Variants in GLDC observed in about 807,000 individuals in gnomAD.
The protein encoded by GLDC is glycine decarboxylase.
In GLDC, 104 loss-of-function variants were observed where a neutral mutation model predicts 121.3. The observed-to-expected ratio is 0.86, with a 90% CI of 0.73 to 1.01. The LOEUF (loss-of-function observed/expected upper bound fraction) is 1.01, where lower values mean the gene tolerates loss of function less well. Among genes scored for constraint, GLDC ranks in the 50% least tolerant of loss-of-function variants. The pLI, the probability that GLDC is intolerant of heterozygous loss-of-function variation, is 0.00. For missense variants in GLDC, 1,429 were observed against 1,306.6 expected (o/e 1.09, Z -1.44); for synonymous variants, 546 against 480.6 (o/e 1.14, Z -1.78).
intron 1 of GLDC, 139 bp downstream of exon 1, chr9:6,645,106 T>C: frequency 1.2e-6 from 1 of 837,084 alleles, no homozygotes; most frequent in Non-Finnish European, 1.8e-6. Flanking sequence ...CGAATTTGCT[T>C]CCACGCCACG....
intron 15 of GLDC, chr9:6,568,997 G>C (rs1439642021): frequency 6.6e-6 from 1 of 152,168 alleles, no homozygotes. Flanking sequence ...GAATCCACAA[G>C]AAATTCAATA....
intron 15 of GLDC, among the ~76,000 whole-genome samples, chr9:6,586,370 C>G (rs1818272915): frequency 6.6e-6 from 1 of 152,172 alleles, no homozygotes; most frequent in Non-Finnish European, 1.5e-5. Context: ...ATCAGTGCGT[C>G]TGGAGCGGGG....
Position 6,532,785 on chromosome 9 carries a change from C to T in GLDC, c.*232G>A. The T allele has an allele frequency of 3.8e-6, 2 of 532,016 alleles. No homozygotes were observed. Among genetic ancestry groups the T allele is most frequent in the South Asian group, 2.1e-5 (1 of 46,804 alleles). 33.0% of individuals were successfully genotyped at this position (532,016 alleles called of 1,614,324 possible). A position where few individuals can be genotyped will look rare whatever the true frequency, so the allele number is the denominator to read the frequency against. ...CGCAAAACACAAAATGGCTCCCAATCCAGGCAACTGGCACATGTGGAAGCA... is the reference window on the plus strand; with the variant it reads ...CGCAAAACACAAAATGGCTCCCAATTCAGGCAACTGGCACATGTGGAAGCA... On this transcript the variant is annotated 3_prime_UTR_variant, in exon 25 of 25. Transcript: ENST00000321612.
At chr9:6,640,097 A>T (rs1017964880) in intron 2 of GLDC, among the ~76,000 whole-genome samples, 2 of 152,156 alleles carry the variant, frequency 1.3e-5, no homozygotes, top group African/African-American at 4.8e-5. Flanking sequence ...ACACACCTAA[A>T]GGCTTCCCTT....
At chr9:6,611,479 C>T (rs993942358) in intron 3 of GLDC, among the ~76,000 whole-genome samples, 1 of 152,080 alleles carries the variant, frequency 6.6e-6, no homozygotes, top group Non-Finnish European at 1.5e-5. Context: ...TCGCTTGAAC[C>T]CGCGGGGCGG....
At chr9:6,554,448 G>A (rs1304593248) in intron 19 of GLDC, among the ~76,000 whole-genome samples, 1 of 152,202 alleles carries the variant, frequency 6.6e-6, no homozygotes, top group Non-Finnish European at 1.5e-5. Flanking sequence ...TGGAAGCTCA[G>A]TGAGGCCAGA....
intron 15 of GLDC, among the ~76,000 whole-genome samples, chr9:6,585,751 T>C (rs1275671339): frequency 1.3e-5 from 2 of 152,172 alleles, no homozygotes; most frequent in Admixed American, 6.5e-5. Flanking sequence ...TAGGGGCAGA[T>C]ACCATAACTC....
Position 6,620,166 on chromosome 9 carries a change from A to C in GLDC, c.470+18T>G, listed in dbSNP as rs1253031880. The C allele has an allele frequency of 6.2e-7, 1 of 1,611,252 alleles. No homozygotes were observed. The highest frequency in any genetic ancestry group is 1.1e-5 in the South Asian group (1 of 90,972). On this transcript the variant is annotated intron_variant, in intron 3 of 24. Transcript: ENST00000321612. Reference sequence around the variant, plus strand: ...GCAAATCACAGTCATCCTGTTCCTGAACTGAGAAATACATTACCATCCTGA... The same window carrying C: ...GCAAATCACAGTCATCCTGTTCCTGCACTGAGAAATACATTACCATCCTGA...
intron 15 of GLDC, among the ~76,000 whole-genome samples, chr9:6,579,466 C>T (rs1818133690): frequency 1.3e-5 from 2 of 152,112 alleles, no homozygotes; most frequent in Admixed American, 1.3e-4. Flanking sequence ...CCTCCAAGTA[C>T]CTTTCCAAGT....
At chr9:6,562,824 G>A (rs1817784558) in intron 16 of GLDC, among the ~76,000 whole-genome samples, 1 of 152,170 alleles carries the variant, frequency 6.6e-6, no homozygotes, top group Non-Finnish European at 1.5e-5. Flanking sequence ...GCCTCCCAAT[G>A]TGCTGGGATT....
chr9:6,584,927 A>G (rs1316753266), intron 15 of GLDC: 3 of 152,234 alleles, frequency 2.0e-5, no homozygotes, highest in Non-Finnish European at 4.4e-5. Flanking sequence ...AAATTAGGAC[A>G]AAGAAAGAAC....
rs1353016990 is a variant in GLDC at position 6,536,056 on chromosome 9, C to T, written c.2838+8G>A. 6.2e-7 allele frequency: 1 copy of T among 1,610,874 alleles called. No homozygotes were observed. On this transcript the variant is annotated splice_region_variant and intron_variant, in intron 23 of 24. Transcript: ENST00000321612. ...AACATTTCAAGCAATGTTCCAGGGC[C>T]TACGCACCTTCAGCGGATTGACCCT...
chr9:6,536,980 G>A (rs903286309), intron 22 of GLDC, among the ~76,000 whole-genome samples: 7 of 151,416 alleles, frequency 4.6e-5, no homozygotes, highest in Admixed American at 4.6e-4. Flanking sequence ...AGATTTCCAG[G>A]ACAAAAATCA....
At chr9:6,548,651 T>C (rs16924678) in intron 21 of GLDC, among the ~76,000 whole-genome samples, 23,140 of 152,128 alleles carry the variant, frequency 0.15, 2,077 homozygotes, top group East Asian at 0.28. Context: ...CAAGATCCCA[T>C]AAGCGCTTTG....
chr9:6,597,638 G>C (rs1818516339), intron 8 of GLDC, among the ~76,000 whole-genome samples: 1 of 152,132 alleles, frequency 6.6e-6, no homozygotes, highest in Non-Finnish European at 1.5e-5. Flanking sequence ...TAGAAGCTAA[G>C]AAATAAGAGA....
rs764307751 is a variant in GLDC at position 6,534,819 on chromosome 9, C to A, written c.2839-31G>T. On this transcript the variant is annotated intron_variant, in intron 23 of 24. Coordinates refer to ENST00000321612, the MANE Select transcript of GLDC (RefSeq NM_000170.3). ...ACAGAGACACGGACAGAGGAGGGGTCAGAGCAATACACTCTCTTCTCCTCC... is the reference window on the plus strand; with the variant it reads ...ACAGAGACACGGACAGAGGAGGGGTAAGAGCAATACACTCTCTTCTCCTCC... 10 of 1,149,152 alleles carry A rather than the reference C, an allele frequency of 8.7e-6. No homozygotes were observed. The Admixed American group carries it at 1.5e-4, about 18-fold the overall frequency. 71.2% of individuals were successfully genotyped at this position (1,149,152 alleles called of 1,614,324 possible). A position where few individuals can be genotyped will look rare whatever the true frequency, so the allele number is the denominator to read the frequency against.
chr9:6,544,112 C>G (rs1184558379), intron 21 of GLDC, among the ~76,000 whole-genome samples: 1 of 152,222 alleles, frequency 6.6e-6, no homozygotes, highest in Non-Finnish European at 1.5e-5. Flanking sequence ...CACTGGGTAA[C>G]TACTCTGGAA....
At chr9:6,620,542 C>A (rs963774535) in intron 2 of GLDC, among the ~76,000 whole-genome samples, 2 of 151,660 alleles carry the variant, frequency 1.3e-5, no homozygotes, top group Non-Finnish European at 2.9e-5. Context: ...GCCCCCCCAT[C>A]ACTGTTTTGA....
intron 1 of GLDC, 42 bp downstream of exon 1, chr9:6,645,202 AG>A: frequency 6.5e-7 from 1 of 1,531,894 alleles, no homozygotes; most frequent in Admixed American, 2.0e-5. Context: ...GAGCCCGGGC[AG>A]GGCGGAGGGG....
Sources: allele counts gnomAD v4.1 joint callset (sites outside exome capture counted in the v4.1 genomes callset), GRCh38; gene constraint gnomAD v4.1.1; transcripts MANE v1.5; gene names NCBI Gene and HGNC (gene_info 2026-07-23, HGNC 2026-07-21).